The following SUPT3H variants were observed in gnomAD, a reference collection of about 807,000 sequenced individuals.
The protein encoded by SUPT3H is SPT3 homolog, SAGA and STAGA complex component.
A neutral mutation model predicts 44.3 loss-of-function variants in SUPT3H; 44 were observed. That is an observed-to-expected ratio of 0.99 (90% CI 0.78 to 1.28). The LOEUF is 1.28. Among genes scored for constraint, SUPT3H ranks in the 50% most tolerant of loss-of-function variants. SUPT3H has a pLI of 0.00. For missense variants in SUPT3H, 380 were observed against 387.1 expected, an observed-to-expected ratio of 0.98 and a Z score of 0.15; for synonymous variants, 124 against 125.6, an observed-to-expected ratio of 0.99 and a Z score of 0.09.
At chr6:45,017,357 C>A (rs1425619860) in intron 4 of SUPT3H, among the ~76,000 whole-genome samples, 1 of 150,560 alleles carries the variant, frequency 6.6e-6, no homozygotes, top group Admixed American at 6.6e-5. Context: ...TAATTAGATC[C>A]CATTTCTCAA....
intron 3 of SUPT3H, among the ~76,000 whole-genome samples, chr6:45,068,987 A>T (rs571989072): frequency 5.1e-4 from 78 of 151,758 alleles, no homozygotes; most frequent in Non-Finnish European, 7.8e-4. Flanking sequence ...CAAAAAAAAA[A>T]AAATAAAAAA....
intron 3 of SUPT3H, among the ~76,000 whole-genome samples, chr6:45,101,914 A>T (rs963091462): frequency 1.3e-5 from 2 of 152,154 alleles, no homozygotes; most frequent in Non-Finnish European, 2.9e-5. Flanking sequence ...AGTATAGACA[A>T]AAAGAATTAA....
At chr6:44,842,742 A>G (rs1407472885) in intron 10 of SUPT3H, among the ~76,000 whole-genome samples, 1 of 152,206 alleles carries the variant, frequency 6.6e-6, no homozygotes. Flanking sequence ...AGACAGGCCT[A>G]TTTATCCAGT....
intron 10 of SUPT3H, among the ~76,000 whole-genome samples, chr6:44,860,632 T>C (rs1774495642): frequency 6.6e-6 from 1 of 152,098 alleles, no homozygotes; most frequent in African/African-American, 2.4e-5. Flanking sequence ...AAACAGACAC[T>C]ACTAGGACTT....
chr6:44,893,305 C>T (rs1248124288), intron 10 of SUPT3H, among the ~76,000 whole-genome samples: 1 of 152,120 alleles, frequency 6.6e-6, no homozygotes, highest in Non-Finnish European at 1.5e-5. Context: ...TATACATGTG[C>T]CATGCTGGTG....
intron 3 of SUPT3H, among the ~76,000 whole-genome samples, chr6:45,054,598 C>T (rs1790825353): frequency 1.3e-5 from 2 of 152,080 alleles, no homozygotes; most frequent in Non-Finnish European, 2.9e-5. Context: ...AGCCATGAAC[C>T]TTGCAATAAG....
chr6:45,361,065 G>T (rs1794167175), intron 2 of SUPT3H, among the ~76,000 whole-genome samples: 1 of 152,108 alleles, frequency 6.6e-6, no homozygotes, highest in Non-Finnish European at 1.5e-5. Flanking sequence ...TTGTGCCTAA[G>T]AGTTTGAAAC....
intron 2 of SUPT3H, among the ~76,000 whole-genome samples, chr6:45,113,899 T>C (rs1277063945): frequency 6.6e-6 from 1 of 151,804 alleles, no homozygotes; most frequent in East Asian, 1.9e-4. Flanking sequence ...ATTTTTCTCA[T>C]TGCTTGCTTG....
intron 2 of SUPT3H, among the ~76,000 whole-genome samples, chr6:45,323,713 C>T (rs983430125): frequency 1.7e-4 from 26 of 152,024 alleles, no homozygotes; most frequent in African/African-American, 6.0e-4. Flanking sequence ...TAAAAGAGTT[C>T]AATTGAAAGA....
chr6:45,087,207 C>A (rs1796580909), intron 3 of SUPT3H, among the ~76,000 whole-genome samples: 1 of 151,906 alleles, frequency 6.6e-6, no homozygotes, highest in South Asian at 2.1e-4. Context: ...AACTACTATA[C>A]TGCATTATTT....
At chr6:45,303,461 G>A (rs1389334777) in intron 2 of SUPT3H, among the ~76,000 whole-genome samples, 3 of 152,040 alleles carry the variant, frequency 2.0e-5, no homozygotes, top group Non-Finnish European at 2.9e-5. Flanking sequence ...GTGGGCTAAG[G>A]ACATGAACAA....
chr6:44,920,366 G>A (rs1288674047), intron 10 of SUPT3H, among the ~76,000 whole-genome samples: 1 of 152,064 alleles, frequency 6.6e-6, no homozygotes, highest in Non-Finnish European at 1.5e-5. Context: ...GAGGCCAGGA[G>A]TTAGAGACCA....
intron 2 of SUPT3H, among the ~76,000 whole-genome samples, chr6:45,332,083 G>A (rs1212661579): frequency 6.6e-6 from 1 of 151,906 alleles, no homozygotes; most frequent in East Asian, 1.9e-4. Flanking sequence ...ATACTTTAAA[G>A]CAGCGCTAAT....
intron 9 of SUPT3H, among the ~76,000 whole-genome samples, chr6:44,949,607 C>T (rs1404765760): frequency 4.3e-5 from 3 of 69,528 alleles, no homozygotes; most frequent in South Asian, 1.2e-3. Context: ...AGCCCCTTTG[C>T]CTGCAAAAAA....
chr6:45,215,078 T>A (rs1287816678), intron 2 of SUPT3H, among the ~76,000 whole-genome samples: 1 of 151,998 alleles, frequency 6.6e-6, no homozygotes, highest in Non-Finnish European at 1.5e-5. Context: ...ACCACTGATA[T>A]CAAATAGAGC....
rs540238852 is a variant in SUPT3H at position 44,862,614 on chromosome 6, G to T, written c.913-32757C>A. Among the ~76,000 whole-genome samples the T allele has an allele frequency of 2.2e-3, 325 of 149,808 alleles. 1 individual carries two copies. The highest frequency in any genetic ancestry group is 7.6e-3 in the African/African-American group (311 of 40,690). ...AATTGCTTGAACAAGGCGGGTGGAG[G>T]TTGCAGCGAGCCAAGATTGCGCCAC... is the stretch of plus-strand genomic sequence containing the variant. On this transcript the variant is annotated intron_variant, in intron 10 of 10. Coordinates refer to ENST00000371459, the MANE Select transcript of SUPT3H (RefSeq NM_003599.4).
At chr6:45,323,112 A>T in intron 2 of SUPT3H, 2 of 560,014 alleles carry the variant, frequency 3.6e-6, no homozygotes, top group Non-Finnish European at 6.3e-6. Context: ...TATATACTGG[A>T]ATGCTCAGAG....
chr6:44,809,092 A>G (rs1172790877), downstream of SUPT3H, among the ~76,000 whole-genome samples: 2 of 152,208 alleles, frequency 1.3e-5, no homozygotes, highest in African/African-American at 4.8e-5. Flanking sequence ...CTCAATATAC[A>G]TGAAACTCAA....
chr6:44,958,196 T>C (rs1276655231), intron 7 of SUPT3H, among the ~76,000 whole-genome samples: 1 of 152,254 alleles, frequency 6.6e-6, no homozygotes, highest in African/African-American at 2.4e-5. Flanking sequence ...CAGCCTGCGC[T>C]GAACTTAAAA....
Sources: gnomAD v4.1 joint callset for allele counts (sites outside exome capture counted in the v4.1 genomes callset) on GRCh38, gnomAD v4.1.1 for gene constraint, MANE v1.5 for transcripts, NCBI Gene and HGNC (gene_info 2026-07-23, HGNC 2026-07-21) for gene names.